Variants in MCPH1 observed in about 807,000 individuals in gnomAD.
MCPH1 encodes the protein microcephalin.
MCPH1 carries 104 observed loss-of-function variants against 84.5 expected under a neutral mutation model. The ratio of observed to expected loss-of-function variants is 1.23; its 90% CI spans 1.05 to 1.45. MCPH1 has a LOEUF of 1.45. Ranked by LOEUF, MCPH1 falls within the 40% of genes most tolerant of loss-of-function variation. MCPH1 has a pLI of 0.00. For missense variants in MCPH1, 1,498 were observed against 1,005.7 expected, an observed-to-expected ratio of 1.49 and a Z score of -6.62; for synonymous variants, 514 against 366.8, an observed-to-expected ratio of 1.40 and a Z score of -4.58.
chr8:6,484,698 A>G (rs1415833358), intron 11 of MCPH1, among the ~76,000 whole-genome samples: 1 of 152,260 alleles, frequency 6.6e-6, no homozygotes, highest in Non-Finnish European at 1.5e-5. Flanking sequence ...GTCGAAAGGA[A>G]TGGTGATAGG....
intron 12 of MCPH1, among the ~76,000 whole-genome samples, chr8:6,520,182 A>C (rs1817047016): frequency 6.6e-6 from 1 of 152,180 alleles, no homozygotes; most frequent in African/African-American, 2.4e-5. Context: ...TCAAAAGATT[A>C]ATACTTACTT....
chr8:6,419,417 T>C (rs1585630696), intron 3 of MCPH1, among the ~76,000 whole-genome samples: 2 of 152,086 alleles, frequency 1.3e-5, no homozygotes, highest in East Asian at 3.9e-4. Context: ...TTTTTCTTTT[T>C]GAGATGGAGT....
chr8:6,492,913 G>A lies in MCPH1; in HGVS notation c.2137-6939G>A, dbSNP rs572300486. ...TGTAAATACTATTGTCTACTTCCTGGTACGTGGCTCTAGGGAGGCTATGGC... is the reference window on the plus strand; with the variant it reads ...TGTAAATACTATTGTCTACTTCCTGATACGTGGCTCTAGGGAGGCTATGGC... On this transcript the variant is annotated intron_variant, in intron 11 of 13. Coordinates refer to ENST00000344683, the MANE Select transcript of MCPH1 (RefSeq NM_024596.5). 3.3e-5 allele frequency among the ~76,000 whole-genome samples: 5 copies of A among 152,122 alleles called. No homozygotes were observed. In the South Asian group the frequency reaches 1.0e-3, roughly 32 times the overall value.
intron 12 of MCPH1, among the ~76,000 whole-genome samples, chr8:6,618,222 A>G (rs1240072174): frequency 6.6e-6 from 1 of 151,818 alleles, no homozygotes; most frequent in Non-Finnish European, 1.5e-5. Flanking sequence ...CTCCTTGGCG[A>G]GAGCCAGTGG....
intron 12 of MCPH1, among the ~76,000 whole-genome samples, chr8:6,551,193 G>A (rs564064719): frequency 5.3e-5 from 8 of 152,116 alleles, no homozygotes; most frequent in Non-Finnish European, 1.2e-4. Flanking sequence ...GATAGAGAAA[G>A]GGTCCTAGTT....
Position 6,646,824 on chromosome 8 carries a change from G to A in MCPH1, c.*3775G>A, listed in dbSNP as rs1253299761. 6.6e-6 allele frequency: 1 copy of A among 152,092 alleles called. No individual in the cohort carries two copies. Among genetic ancestry groups the A allele is most frequent in the East Asian group, 1.9e-4 (1 of 5,186 alleles). The allele number at this position is 152,092 out of a possible 1,614,324, so 9.4% of individuals were successfully genotyped here. ...GGAGAGCAAAACTGTTTCCAGTTGA[G>A]AACCATTGACCTAATGTAAAAAATA... On this transcript the variant is annotated 3_prime_UTR_variant, in exon 14 of 14. Coordinates refer to ENST00000344683, the MANE Select transcript of MCPH1 (RefSeq NM_024596.5).
intron 2 of MCPH1, among the ~76,000 whole-genome samples, chr8:6,411,329 A>T (rs1039226974): frequency 1.3e-5 from 2 of 152,210 alleles, no homozygotes; most frequent in Non-Finnish European, 2.9e-5. Context: ...TATAGCATTT[A>T]GTAGTATGAC....
intron 12 of MCPH1, among the ~76,000 whole-genome samples, chr8:6,587,272 G>A (rs1828066730): frequency 6.6e-6 from 1 of 152,106 alleles, no homozygotes; most frequent in African/African-American, 2.4e-5. Flanking sequence ...TTCTCACTTG[G>A]CCATGTTGAA....
intron 12 of MCPH1, among the ~76,000 whole-genome samples, chr8:6,505,484 A>T (rs1156593108): frequency 0.031 from 105 of 3,378 alleles, 9 homozygotes; most frequent in African/African-American, 0.07. Flanking sequence ...TATATAGAAT[A>T]TATATATTCT....
intron 3 of MCPH1, among the ~76,000 whole-genome samples, chr8:6,419,467 A>G (rs925554810): frequency 6.6e-6 from 1 of 150,930 alleles, no homozygotes; most frequent in Non-Finnish European, 1.5e-5. Context: ...ATCTCGGCTC[A>G]CTGTAAGCTC....
chr8:6,493,734 G>T (rs1810922317), intron 11 of MCPH1, among the ~76,000 whole-genome samples: 1 of 152,260 alleles, frequency 6.6e-6, no homozygotes, highest in South Asian at 2.1e-4. Context: ...TACAAAATAT[G>T]ACCGGGGATC....
intron 13 of MCPH1, 67 bp downstream of exon 13, chr8:6,621,758 G>A (rs573522081): frequency 2.2e-5 from 36 of 1,608,410 alleles, no homozygotes; most frequent in South Asian, 3.3e-5. Flanking sequence ...CAGGGAGGGC[G>A]GCGTCAGGCT....
At chr8:6,557,107 C>T (rs141963591) in intron 12 of MCPH1, among the ~76,000 whole-genome samples, 2 of 152,334 alleles carry the variant, frequency 1.3e-5, no homozygotes, top group African/African-American at 4.8e-5. Context: ...TGCCCAAATT[C>T]ATGTTCATTC....
intron 3 of MCPH1, among the ~76,000 whole-genome samples, chr8:6,426,086 C>G (rs975349168): frequency 6.6e-6 from 1 of 152,164 alleles, no homozygotes; most frequent in African/African-American, 2.4e-5. Flanking sequence ...CATTTCCTTC[C>G]TCGTTCTCTT....
intron 12 of MCPH1, among the ~76,000 whole-genome samples, chr8:6,602,718 C>T (rs898677034): frequency 6.6e-6 from 1 of 151,984 alleles, no homozygotes; most frequent in Non-Finnish European, 1.5e-5. Context: ...ATCTTATCAT[C>T]TCCTTCCCTC....
chr8:6,613,451 G>A (rs914528154), intron 12 of MCPH1, among the ~76,000 whole-genome samples: 18 of 152,158 alleles, frequency 1.2e-4, no homozygotes, highest in Non-Finnish European at 2.1e-4. Flanking sequence ...AGTCACGGGG[G>A]GGTGGTGGGC....
chr8:6,556,415 G>C (rs988343545), intron 12 of MCPH1, among the ~76,000 whole-genome samples: 3 of 152,028 alleles, frequency 2.0e-5, no homozygotes, highest in Non-Finnish European at 4.4e-5. Flanking sequence ...TTTTATAAAA[G>C]GGTTTCCGTG....
intron 11 of MCPH1, among the ~76,000 whole-genome samples, chr8:6,485,677 T>C (rs752056985): frequency 3.3e-5 from 5 of 152,186 alleles, no homozygotes; most frequent in Non-Finnish European, 5.9e-5. Context: ...CGCTATTTGT[T>C]AATAGTATCA....
chr8:6,481,835 G>T lies in MCPH1; in HGVS notation c.2136+959G>T, dbSNP rs553623252. Among the ~76,000 whole-genome samples, 13 of 152,330 alleles carry T rather than the reference G, an allele frequency of 8.5e-5. No homozygotes were observed. The South Asian group carries it at 2.7e-3, about 32-fold the overall frequency. The stretch of plus-strand genomic sequence containing the variant: ...AGTACTGCTTTATGTTTATTTGGAT[G>T]AAAGACAGTAGTGCCCCTCTCATCC... On this transcript the variant is annotated intron_variant, in intron 11 of 13. Transcript: ENST00000344683.
Sources: allele counts gnomAD v4.1 joint callset (sites outside exome capture counted in the v4.1 genomes callset), GRCh38; gene constraint gnomAD v4.1.1; transcripts MANE v1.5; gene names NCBI Gene and HGNC (gene_info 2026-07-23, HGNC 2026-07-21).